The following PRRX1 variants were observed in gnomAD, a reference collection of about 807,000 sequenced individuals.
PRRX1 encodes paired mesoderm homeobox protein 1.
A neutral mutation model predicts 24.0 loss-of-function variants in PRRX1; 8 were observed. The ratio of observed to expected loss-of-function variants is 0.33; its 90% CI spans 0.20 to 0.60. PRRX1 has a LOEUF of 0.60. Ranked by LOEUF, PRRX1 falls within the 20% of genes least tolerant of loss-of-function variation. PRRX1 has a pLI of 0.82. For missense variants in PRRX1, 281 were observed against 322.4 expected, an observed-to-expected ratio of 0.87 and a Z score of 0.98; for synonymous variants, 160 against 131.7, an observed-to-expected ratio of 1.22 and a Z score of -1.47.
intron 1 of PRRX1, among the ~76,000 whole-genome samples, chr1:170,671,361 AT>A (rs1216753044): frequency 6.6e-6 from 1 of 152,246 alleles, no homozygotes; most frequent in Non-Finnish European, 1.5e-5. Flanking sequence ...AGCCCACAGT[AT>A]TTTTGGTTAT....
At chr1:170,733,306 A>G (rs1398045348) in intron 3 of PRRX1, among the ~76,000 whole-genome samples, 2 of 152,180 alleles carry the variant, frequency 1.3e-5, no homozygotes, top group African/African-American at 4.8e-5. Context: ...GTAAACTAAA[A>G]TAATCTCCCC....
chr1:170,683,658 C>T (rs996864267), intron 1 of PRRX1, among the ~76,000 whole-genome samples: 2 of 152,176 alleles, frequency 1.3e-5, no homozygotes, highest in Non-Finnish European at 2.9e-5. Flanking sequence ...AATTCAGGTA[C>T]TGCCTTTAAT....
intron 2 of PRRX1, among the ~76,000 whole-genome samples, 159 bp downstream of exon 2, chr1:170,720,060 G>A (rs1338552395): frequency 6.6e-6 from 1 of 152,148 alleles, no homozygotes; most frequent in Non-Finnish European, 1.5e-5. Context: ...TTGAGCTCAG[G>A]AGTTCGAAAC....
intron 1 of PRRX1, among the ~76,000 whole-genome samples, chr1:170,704,741 G>A (rs1654502396): frequency 6.6e-6 from 1 of 152,080 alleles, no homozygotes; most frequent in Admixed American, 6.5e-5. Context: ...ATCTGCACCT[G>A]GTGTGTAATA....
chr1:170,684,626 G>A (rs147063046), intron 1 of PRRX1, among the ~76,000 whole-genome samples: 261 of 152,178 alleles, frequency 1.7e-3, no homozygotes, highest in Middle Eastern at 0.01. Flanking sequence ...GGTGGTACAC[G>A]CCTGTAATCC....
At chr1:170,669,454 A>AAAAAAAAAAC (rs1653068911) in intron 1 of PRRX1, 1 of 145,760 alleles carries the variant, frequency 6.9e-6, no homozygotes. Flanking sequence ...AAAAAAAAAA[A>AAAAAAAAAAC]TTCAGAAGCA....
intron 1 of PRRX1, among the ~76,000 whole-genome samples, chr1:170,701,237 T>C (rs892247120): frequency 3.9e-5 from 6 of 152,210 alleles, no homozygotes; most frequent in Non-Finnish European, 8.8e-5. Context: ...CTCCATTATC[T>C]TACATAACTC....
intron 2 of PRRX1, among the ~76,000 whole-genome samples, chr1:170,721,601 A>G (rs1479861918): frequency 1.3e-5 from 2 of 152,138 alleles, no homozygotes; most frequent in African/African-American, 4.8e-5. Flanking sequence ...AAAAGAAGAA[A>G]GTCGTGGGAG....
At chr1:170,687,556 T>C (rs1349446738) in intron 1 of PRRX1, among the ~76,000 whole-genome samples, 1 of 152,208 alleles carries the variant, frequency 6.6e-6, no homozygotes, top group Non-Finnish European at 1.5e-5. Context: ...CCTCTGAGCC[T>C]CACTTTCCTT....
intron 1 of PRRX1, among the ~76,000 whole-genome samples, chr1:170,665,946 A>G (rs775328241): frequency 6.6e-6 from 1 of 152,258 alleles, no homozygotes; most frequent in Non-Finnish European, 1.5e-5. Flanking sequence ...GGTGTCCTCA[A>G]GTTCCGCATA....
chr1:170,692,504 G>T (rs1394157279), intron 1 of PRRX1, among the ~76,000 whole-genome samples: 2 of 149,312 alleles, frequency 1.3e-5, no homozygotes, highest in African/African-American at 4.9e-5. Flanking sequence ...GTGTGTATTT[G>T]ATGAAAAGTT....
At position 170,690,064 on chromosome 1, in the gene PRRX1, C is replaced by G. The variant is rs12079725; in HGVS notation, c.241+25605C>G. Reference sequence around the variant, plus strand: ...GGAAAATTCAAGAGCTGCCAGGTCTCTAGCTCTTGCTAGCATTTGGTTAGC... The same window carrying G: ...GGAAAATTCAAGAGCTGCCAGGTCTGTAGCTCTTGCTAGCATTTGGTTAGC... On this transcript the variant is annotated intron_variant, in intron 1 of 3. Transcript: ENST00000239461. Among the ~76,000 whole-genome samples the G allele has an allele frequency of 5.5e-3, 832 of 152,090 alleles. 5 individuals are homozygous for G. The highest frequency in any genetic ancestry group is 0.019 in the African/African-American group (769 of 41,474).
intron 1 of PRRX1, among the ~76,000 whole-genome samples, chr1:170,674,371 T>C (rs1325487869): frequency 6.6e-6 from 1 of 152,244 alleles, no homozygotes; most frequent in African/African-American, 2.4e-5. Flanking sequence ...CTCTGACTTC[T>C]GATGTGAAGT....
intron 1 of PRRX1, among the ~76,000 whole-genome samples, chr1:170,696,810 C>T (rs1028415476): frequency 1.4e-4 from 22 of 152,158 alleles, no homozygotes; most frequent in Non-Finnish European, 2.2e-4. Context: ...CAGTAAAAAT[C>T]CCTGGGCCTC....
At chr1:170,707,716 G>C (rs1654612736) in intron 1 of PRRX1, among the ~76,000 whole-genome samples, 1 of 152,104 alleles carries the variant, frequency 6.6e-6, no homozygotes, top group South Asian at 2.1e-4. Context: ...GAAATAAGAA[G>C]GCTTGTCAAT....
At chr1:170,721,915 T>A (rs1482593911) in intron 2 of PRRX1, among the ~76,000 whole-genome samples, 1 of 152,028 alleles carries the variant, frequency 6.6e-6, no homozygotes, top group Non-Finnish European at 1.5e-5. Flanking sequence ...AATGTGCCAC[T>A]TTTGCTATGG....
chr1:170,726,601 G>A (rs1394795821), intron 3 of PRRX1, 200 bp downstream of exon 3: 1 of 603,152 alleles, frequency 1.7e-6, no homozygotes, highest in African/African-American at 1.8e-5. Flanking sequence ...GAAGTGAGAG[G>A]GGCAGGCTAT....
At chr1:170,714,072 C>T (rs751746289) in intron 1 of PRRX1, among the ~76,000 whole-genome samples, 14 of 152,186 alleles carry the variant, frequency 9.2e-5, no homozygotes, top group Non-Finnish European at 2.1e-4. Flanking sequence ...TTGCAACAAT[C>T]TTCCCAGTTA....
chr1:170,698,019 C>T (rs1654230316), intron 1 of PRRX1, among the ~76,000 whole-genome samples: 1 of 151,822 alleles, frequency 6.6e-6, no homozygotes, highest in Non-Finnish European at 1.5e-5. Flanking sequence ...AGATCAGTAT[C>T]ATCATCATTT....
Sources: gnomAD v4.1 joint callset for allele counts (sites outside exome capture counted in the v4.1 genomes callset) on GRCh38, gnomAD v4.1.1 for gene constraint, MANE v1.5 for transcripts, NCBI Gene and HGNC (gene_info 2026-07-23, HGNC 2026-07-21) for gene names.